Variants in C1orf21 observed in about 807,000 individuals in gnomAD.
C1orf21 encodes the protein uncharacterized protein C1orf21.
In C1orf21, 3 loss-of-function variants were observed where a neutral mutation model predicts 18.7. The ratio of observed to expected loss-of-function variants is 0.16; its 90% CI spans 0.07 to 0.42. C1orf21 has a LOEUF of 0.42. Ranked by LOEUF, C1orf21 falls within the 10% of genes least tolerant of loss-of-function variation. C1orf21 has a pLI of 0.99. For missense variants in C1orf21, 104 were observed against 143.6 expected, an observed-to-expected ratio of 0.72 and a Z score of 1.41; for synonymous variants, 41 against 46.4, an observed-to-expected ratio of 0.88 and a Z score of 0.47.
chr1:184,600,836 C>T (rs1449984535), intron 5 of C1orf21, among the ~76,000 whole-genome samples: 1 of 152,188 alleles, frequency 6.6e-6, no homozygotes, highest in African/African-American at 2.4e-5. Context: ...TCTTAAAGCT[C>T]ATCCTTCCAA....
chr1:184,600,098 A>C (rs1416572911), intron 5 of C1orf21, among the ~76,000 whole-genome samples: 1 of 152,328 alleles, frequency 6.6e-6, no homozygotes, highest in East Asian at 1.9e-4. Context: ...TTGAAACCTG[A>C]ATTTTAAGTT....
chr1:184,549,859 T>C (rs1468134871), intron 3 of C1orf21, among the ~76,000 whole-genome samples: 7 of 152,226 alleles, frequency 4.6e-5, no homozygotes, highest in African/African-American at 1.7e-4. Flanking sequence ...TGTTTTTATA[T>C]TTCACTGAAA....
At chr1:184,525,187 A>G (rs565233516) in intron 3 of C1orf21, among the ~76,000 whole-genome samples, 42 of 151,930 alleles carry the variant, frequency 2.8e-4, no homozygotes, top group African/African-American at 9.9e-4. Context: ...TTTTATTTTT[A>G]TATAAATTTT....
At chr1:184,542,305 T>C (rs1658665641) in intron 3 of C1orf21, among the ~76,000 whole-genome samples, 1 of 152,128 alleles carries the variant, frequency 6.6e-6, no homozygotes, top group Non-Finnish European at 1.5e-5. Context: ...AGGAAAAGGT[T>C]TTTCGTATCC....
rs944283681 is a variant in C1orf21 at position 184,523,679 on chromosome 1, G to T, written c.189+15997G>T. Among the ~76,000 whole-genome samples the T allele has an allele frequency of 4.6e-5, 7 of 152,222 alleles. No individual in the cohort carries two copies. In the South Asian group the frequency reaches 1.0e-3, roughly 23 times the overall value. ...ACTAGAAGAGAAAGCTAGGTATGGG[G>T]TATATGTAAATTCTCTGTACTATCC... On this transcript the variant is annotated intron_variant, in intron 3 of 5. Transcript: ENST00000235307.
At chr1:184,559,612 TCCC>T (rs1571277655) in intron 3 of C1orf21, among the ~76,000 whole-genome samples, 10 of 138,180 alleles carry the variant, frequency 7.2e-5, no homozygotes, top group Non-Finnish European at 1.2e-4. Flanking sequence ...CCTTCCTTCC[TCCC>T]TCCCTCCCTC....
chr1:184,513,647 T>C (rs915615836), intron 3 of C1orf21, among the ~76,000 whole-genome samples: 42 of 152,240 alleles, frequency 2.8e-4, no homozygotes, highest in Admixed American at 2.6e-3. Flanking sequence ...CAGTTAATTG[T>C]GTGTTTTCCA....
At chr1:184,589,651 TTTTCCTAAAAGA>T (rs1659410255) in intron 3 of C1orf21, among the ~76,000 whole-genome samples, 1 of 152,258 alleles carries the variant, frequency 6.6e-6, no homozygotes, top group African/African-American at 2.4e-5. Context: ...TGATTGTTTC[TTTTCCTAAAAGA>T]AAACAAACAA....
At chr1:184,553,635 G>T (rs893393838) in intron 3 of C1orf21, among the ~76,000 whole-genome samples, 6 of 152,152 alleles carry the variant, frequency 3.9e-5, no homozygotes, top group Non-Finnish European at 5.9e-5. Context: ...GTAGCAATTT[G>T]TGAGTCAGCA....
At chr1:184,416,874 A>G (rs1656461093) in intron 1 of C1orf21, among the ~76,000 whole-genome samples, 1 of 152,150 alleles carries the variant, frequency 6.6e-6, no homozygotes, top group South Asian at 2.1e-4. Flanking sequence ...AAAGATGACC[A>G]CTCTTAGACA....
intron 1 of C1orf21, among the ~76,000 whole-genome samples, chr1:184,424,068 G>T (rs1656592059): frequency 6.6e-6 from 1 of 152,136 alleles, no homozygotes; most frequent in East Asian, 1.9e-4. Context: ...TCCTTGGATT[G>T]AGTGAAATCT....
chr1:184,418,480 CTG>C (rs1012478016), intron 1 of C1orf21, among the ~76,000 whole-genome samples: 1 of 152,198 alleles, frequency 6.6e-6, no homozygotes, highest in African/African-American at 2.4e-5. Context: ...TCTCAAAGTG[CTG>C]TGATTACAGG....
intron 1 of C1orf21, among the ~76,000 whole-genome samples, chr1:184,464,939 C>T (rs1314455897): frequency 1.3e-5 from 2 of 152,152 alleles, no homozygotes; most frequent in African/African-American, 4.8e-5. Flanking sequence ...CCGCCTCTCT[C>T]TCTCTCTTTT....
intron 1 of C1orf21, among the ~76,000 whole-genome samples, chr1:184,468,426 A>G (rs1195884273): frequency 2.0e-5 from 3 of 152,280 alleles, no homozygotes; most frequent in African/African-American, 4.8e-5. Context: ...GAAGGTGGTT[A>G]TTTTGGAAGG....
chr1:184,445,347 TC>T (rs1657012403), intron 1 of C1orf21, among the ~76,000 whole-genome samples: 1 of 145,718 alleles, frequency 6.9e-6, no homozygotes, highest in Non-Finnish European at 1.5e-5. Flanking sequence ...TTCAGACCTC[TC>T]TCTCTCTCTC....
At chr1:184,616,705 T>G (rs1332854557) in intron 5 of C1orf21, among the ~76,000 whole-genome samples, 1 of 131,638 alleles carries the variant, frequency 7.6e-6, no homozygotes, top group Admixed American at 8.5e-5. Context: ...TGTGCACACG[T>G]GTGTATGTGT....
At chr1:184,594,450 C>T (rs1659486516) in intron 4 of C1orf21, among the ~76,000 whole-genome samples, 1 of 152,030 alleles carries the variant, frequency 6.6e-6, no homozygotes, top group Non-Finnish European at 1.5e-5. Context: ...AAATGAAGAC[C>T]CAAGAAGTGA....
At chr1:184,471,628 C>A (rs1277078298) in intron 1 of C1orf21, among the ~76,000 whole-genome samples, 1 of 152,136 alleles carries the variant, frequency 6.6e-6, no homozygotes, top group Non-Finnish European at 1.5e-5. Flanking sequence ...ACTCTTTCCA[C>A]TTGCCACCTC....
rs1254283868 is a variant in C1orf21, at chr1:184,477,736, C to T, written c.94+133C>T. ...TTACATGCCTAGAATGTGTAACGATCAAGTCGGTATTTAGGATATCTATCA... is the reference window on the plus strand; with the variant it reads ...TTACATGCCTAGAATGTGTAACGATTAAGTCGGTATTTAGGATATCTATCA... On this transcript the variant is annotated intron_variant, in intron 2 of 5. Coordinates refer to ENST00000235307, the MANE Select transcript of C1orf21 (RefSeq NM_030806.4). 4.4e-6 allele frequency: 3 copies of T among 685,354 alleles called. No individual in the cohort carries two copies. The African/African-American group carries it at 5.5e-5, about 12-fold the overall frequency. 42.5% of individuals were successfully genotyped at this position (685,354 alleles called of 1,614,324 possible).
Sources: gnomAD v4.1 joint callset for allele counts (sites outside exome capture counted in the v4.1 genomes callset) on GRCh38, gnomAD v4.1.1 for gene constraint, MANE v1.5 for transcripts, NCBI Gene and HGNC (gene_info 2026-07-23, HGNC 2026-07-21) for gene names.